Variants in CDH13 observed in about 807,000 individuals in gnomAD.
CDH13 encodes the protein cadherin 13, also known as cadherin-13.
Under a neutral mutation model 63.8 loss-of-function variants are expected in CDH13, and 24 were observed. The observed-to-expected ratio is 0.38, with a 90% CI of 0.27 to 0.53. The LOEUF (loss-of-function observed/expected upper bound fraction) is 0.53, where lower values mean the gene tolerates loss of function less well. Ranked by LOEUF, CDH13 falls within the 20% of genes least tolerant of loss-of-function variation. CDH13 has a pLI of 0.85. For synonymous variants in CDH13, 503 were observed against 355.3 expected, an observed-to-expected ratio of 1.42 and a Z score of -4.67; for missense variants, 1,049 against 903.1, an observed-to-expected ratio of 1.16 and a Z score of -2.07.
chr16:82,856,418 C>G (rs114808449), intron 1 of CDH13, among the ~76,000 whole-genome samples: 3 of 137,426 alleles, frequency 2.2e-5, no homozygotes, highest in African/African-American at 5.4e-5. Flanking sequence ...AAGAAAAATA[C>G]TAGCTGGGTG....
At chr16:83,217,576 T>G in intron 5 of CDH13, 79 bp downstream of exon 5, 1 of 1,425,396 alleles carries the variant, frequency 7.0e-7, no homozygotes, top group Non-Finnish European at 9.7e-7. Context: ...CTGAGCTCAT[T>G]ATTTCTGTGC....
chr16:82,651,139 G>A (rs1157750595), intron 1 of CDH13, among the ~76,000 whole-genome samples: 3 of 152,132 alleles, frequency 2.0e-5, no homozygotes, highest in Admixed American at 6.5e-5. Context: ...TTAGTGGGTG[G>A]CAAGACTATG....
chr16:82,917,444 G>T (rs532842892), intron 2 of CDH13, among the ~76,000 whole-genome samples: 53 of 152,278 alleles, frequency 3.5e-4, no homozygotes, highest in African/African-American at 1.2e-3. Context: ...GGAAGTCCTG[G>T]CTATCTAACT....
At chr16:82,997,131 ATGG>A (rs1229885197) in intron 2 of CDH13, among the ~76,000 whole-genome samples, 103 of 147,556 alleles carry the variant, frequency 7.0e-4, no homozygotes, top group African/African-American at 2.4e-3. Context: ...GATGGTGGTG[ATGG>A]TGGTGATGAT....
chr16:83,009,538 G>C (rs1404982368), intron 2 of CDH13, among the ~76,000 whole-genome samples: 1 of 152,130 alleles, frequency 6.6e-6, no homozygotes, highest in African/African-American at 2.4e-5. Flanking sequence ...TTGAGGATCA[G>C]AGATACCCTG....
chr16:83,657,403 A>G (rs569975906), intron 8 of CDH13, among the ~76,000 whole-genome samples: 4 of 152,208 alleles, frequency 2.6e-5, no homozygotes, highest in Admixed American at 6.5e-5. Flanking sequence ...TCCCCTTGGG[A>G]TAGCTTCTAG....
At chr16:83,227,236 C>T (rs562348908) in intron 5 of CDH13, among the ~76,000 whole-genome samples, 2 of 152,308 alleles carry the variant, frequency 1.3e-5, no homozygotes, top group Admixed American at 6.5e-5. Flanking sequence ...GAAAGAGAGG[C>T]CCCCTCTGAC....
At chr16:82,837,432 C>A (rs920764141) in intron 1 of CDH13, among the ~76,000 whole-genome samples, 1 of 110,432 alleles carries the variant, frequency 9.1e-6, no homozygotes, top group Non-Finnish European at 1.9e-5. Flanking sequence ...TCCTTGATCC[C>A]CAAGTCCTAG....
At chr16:82,723,373 C>T (rs1238544139) in intron 1 of CDH13, among the ~76,000 whole-genome samples, 5 of 152,250 alleles carry the variant, frequency 3.3e-5, no homozygotes, top group Middle Eastern at 3.4e-3. Context: ...AGTTATTCAC[C>T]AGCTCTCTTC....
At chr16:83,594,578 A>G (rs563809784) in intron 7 of CDH13, among the ~76,000 whole-genome samples, 2 of 152,332 alleles carry the variant, frequency 1.3e-5, no homozygotes, top group African/African-American at 4.8e-5. Flanking sequence ...TTCGATATGG[A>G]AAAAGTGGGG....
intron 6 of CDH13, among the ~76,000 whole-genome samples, chr16:83,346,280 A>G (rs937448024): frequency 4.6e-5 from 7 of 152,184 alleles, no homozygotes; most frequent in African/African-American, 1.7e-4. Flanking sequence ...AGGGCAGACA[A>G]TCCACGTGGC....
chr16:83,042,354 C>G lies in CDH13; in HGVS notation c.366+10136C>G, dbSNP rs563785958. 1.9e-3 allele frequency among the ~76,000 whole-genome samples: 294 copies of G among 152,198 alleles called. 1 individual carries two copies. The highest frequency in any genetic ancestry group is 0.017 in the Middle Eastern group (5 of 294). ...ATCAGATTCTCATAGGAGTGTGAAC[C>G]CTATTGTAAATTGCACATGCAAGAG... On this transcript the variant is annotated intron_variant, in intron 3 of 13. Transcript: ENST00000567109.
intron 13 of CDH13, among the ~76,000 whole-genome samples, chr16:83,786,855 T>C (rs1004060536): frequency 6.6e-6 from 1 of 152,212 alleles, no homozygotes; most frequent in Admixed American, 6.5e-5. Context: ...CCCAAAGTGC[T>C]AGGATTACAG....
In CDH13 at chr16:83,748,361, T is replaced by C. The variant is rs1912784540; in HGVS notation, c.1681+111T>C. The C allele has an allele frequency of 5.2e-6, 5 of 969,274 alleles. No individual in the cohort carries two copies. The South Asian group carries it at 9.3e-5, about 18-fold the overall frequency. The allele number at this position is 969,274 out of a possible 1,614,324, so 60.0% of individuals were successfully genotyped here. On this transcript the variant is annotated intron_variant, in intron 11 of 13. Transcript: ENST00000567109. ...GGGGTGTTCTTGGGAAGAATGTAAG[T>C]GTGTGGGAACAGCAAAGTAAATGTT...
At chr16:83,572,140 T>C (rs186117989) in intron 7 of CDH13, among the ~76,000 whole-genome samples, 31 of 151,866 alleles carry the variant, frequency 2.0e-4, no homozygotes, top group Middle Eastern at 3.4e-3. Flanking sequence ...AAAACCCTAA[T>C]TGATAACTAG....
At chr16:83,653,970 T>C (rs1912635211) in intron 8 of CDH13, among the ~76,000 whole-genome samples, 1 of 151,802 alleles carries the variant, frequency 6.6e-6, no homozygotes, top group Non-Finnish European at 1.5e-5. Context: ...AATGAACGAG[T>C]GGCTAGGAAC....
intron 6 of CDH13, among the ~76,000 whole-genome samples, chr16:83,406,221 G>A (rs1176741372): frequency 1.2e-4 from 19 of 152,202 alleles, no homozygotes; most frequent in Non-Finnish European, 1.5e-5. Flanking sequence ...CTGAGCTGCG[G>A]TAGCGCCCGG....
At chr16:83,671,405 T>C (rs1469277948) in intron 9 of CDH13, among the ~76,000 whole-genome samples, 1 of 152,068 alleles carries the variant, frequency 6.6e-6, no homozygotes, top group African/African-American at 2.4e-5. Context: ...CCTGCCACCA[T>C]GTCCGGCCAG....
chr16:83,426,661 A>C (rs1226625594), intron 6 of CDH13, among the ~76,000 whole-genome samples: 1 of 152,108 alleles, frequency 6.6e-6, no homozygotes, highest in African/African-American at 2.4e-5. Context: ...ACCAGCCTAC[A>C]TCATAGTCTG....
Sources: allele counts gnomAD v4.1 joint callset (sites outside exome capture counted in the v4.1 genomes callset), GRCh38; gene constraint gnomAD v4.1.1; transcripts MANE v1.5; gene names NCBI Gene and HGNC (gene_info 2026-07-23, HGNC 2026-07-21).